WDFY4: variants seen among roughly 807,000 people sequenced by gnomAD.
WDFY4 encodes WD repeat- and FYVE domain-containing protein 4.
A neutral mutation model predicts 351.9 loss-of-function variants in WDFY4; 169 were observed. The ratio of observed to expected loss-of-function variants is 0.48; its 90% CI spans 0.42 to 0.55. The LOEUF is 0.55. WDFY4 is among the 20% of genes least tolerant of loss of function. The pLI is 0.00. For missense variants in WDFY4, 3,803 were observed against 3,935.6 expected (o/e 0.97, Z 0.90); for synonymous variants, 1,622 against 1,574.6 (o/e 1.03, Z -0.71).
At chr10:48,826,573 CT>C (rs1396611428) in intron 35 of WDFY4, 97 bp from the exon 36 acceptor site, 1 of 940,320 alleles carries the variant, frequency 1.1e-6, no homozygotes, top group Non-Finnish European at 1.6e-6. Flanking sequence ...AGCCATGTCA[CT>C]TTTTGATTAT....
intron 47 of WDFY4, among the ~76,000 whole-genome samples, chr10:48,906,799 C>A (rs1389802872): frequency 1.3e-5 from 2 of 152,182 alleles, no homozygotes; most frequent in African/African-American, 4.8e-5. Context: ...ATTACCCAAC[C>A]CCTTTAAAGG....
rs1414994025 is a variant in WDFY4 at position 48,723,609 on chromosome 10, C to T, written c.591+42C>T. ...CCTCCAATTCCCTGGGTCAAAACCT[C>T]ACTTCGGGGACAGACTCTCCAATGC... On this transcript the variant is annotated intron_variant, in intron 5 of 61. Transcript: ENST00000325239. 3 of 1,549,902 alleles carry T rather than the reference C, an allele frequency of 1.9e-6. No homozygotes were observed. In the East Asian group the frequency reaches 7.3e-5, roughly 38 times the overall value.
At chr10:48,946,198 T>A in intron 50 of WDFY4, 41 bp downstream of exon 50, 1 of 1,421,586 alleles carries the variant, frequency 7.0e-7, no homozygotes, top group Non-Finnish European at 9.6e-7. Context: ...GTGTTATTCA[T>A]CGGGATGCCC....
chr10:48,791,547 A>G (rs2066680484), intron 23 of WDFY4, among the ~76,000 whole-genome samples: 1 of 152,192 alleles, frequency 6.6e-6, no homozygotes, highest in African/African-American at 2.4e-5. Context: ...GAGAGCTTAG[A>G]GGAGCACCTG....
rs779731620 is a variant in WDFY4, at chr10:48,720,653, GAC to G, written c.349+538_349+539del. 1.4e-3 allele frequency among the ~76,000 whole-genome samples: 218 copies of G among 151,970 alleles called. 1 individual carries two copies. Among genetic ancestry groups the G allele is most frequent in the Middle Eastern group, 3.4e-3 (1 of 294 alleles). ...ACACACACAGACACACTGCAACACA[GAC>G]ACACACACAGAACACACGGGACCAC... is the stretch of plus-strand genomic sequence containing the variant. On this transcript the variant is annotated intron_variant, in intron 3 of 61. Transcript: ENST00000325239.
At chr10:48,749,403 C>G (rs928924489) in intron 12 of WDFY4, among the ~76,000 whole-genome samples, 1 of 151,856 alleles carries the variant, frequency 6.6e-6, no homozygotes, top group African/African-American at 2.4e-5. Context: ...ACTGGCATAC[C>G]ACACACCCAC....
At chr10:48,905,296 C>T (rs554195281) in intron 47 of WDFY4, among the ~76,000 whole-genome samples, 2 of 152,174 alleles carry the variant, frequency 1.3e-5, no homozygotes, top group African/African-American at 4.8e-5. Context: ...GGAGCTTACC[C>T]CCAGCTGTGC....
At chr10:48,709,991 G>A (rs1214818876) in intron 2 of WDFY4, 25 bp downstream of exon 2, 5 of 1,533,490 alleles carry the variant, frequency 3.3e-6, no homozygotes, top group East Asian at 2.5e-5. Flanking sequence ...TTTTGAAACT[G>A]TAAGGTGATA....
intron 39 of WDFY4, among the ~76,000 whole-genome samples, chr10:48,858,064 G>A (rs2069201433): frequency 1.3e-5 from 2 of 152,174 alleles, no homozygotes; most frequent in South Asian, 2.1e-4. Context: ...AAAGTGCTGA[G>A]ATTACAGATG....
chr10:48,826,987 G>T, intron 36 of WDFY4, 78 bp downstream of exon 36: 1 of 1,188,316 alleles, frequency 8.4e-7, no homozygotes, highest in Non-Finnish European at 1.2e-6. Context: ...GCTTGATTGA[G>T]GACTGAGTTC....
intron 34 of WDFY4, among the ~76,000 whole-genome samples, chr10:48,822,170 G>T (rs1429682454): frequency 6.6e-6 from 1 of 152,154 alleles, no homozygotes; most frequent in Non-Finnish European, 1.5e-5. Flanking sequence ...TCACCACTTG[G>T]TTTATGTCGC....
In WDFY4 at chr10:48,786,732, T is replaced by C; in HGVS notation, c.3670T>C (p.Trp1224Arg). 1 of 1,552,394 alleles carries C rather than the reference T, an allele frequency of 6.4e-7. No homozygotes were observed. The highest frequency in any genetic ancestry group is 8.7e-7 in the Non-Finnish European group (1 of 1,147,142). ...TGGATATATTGCTACTCCTCGAGTC[T>C]GGAAACAAAAGTCTTCATTAATCTG... Reference protein sequence around the residue: ...VYGYIATPRVWKQKSSLIWRL... With the variant: ...VYGYIATPRVRKQKSSLIWRL... Residue 1224 changes from tryptophan (W) to arginine (R), a missense_variant, in exon 20 of 62, where the codon TGG becomes CGG. By Grantham distance (101) the Trp-to-Arg change is moderately radical. Transcript: ENST00000325239.
rs12268007 is a variant in WDFY4, at chr10:48,817,401, G to T, written c.5497G>T (p.Ala1833Ser). ...TLAIAAFPLG[A>S]QKGVGAESTR... Reference sequence around the variant, plus strand: ...GGCCATAGCCGCCTTCCCCCTGGGAGCCCAAAAGGTAGGACATGCTGCTGT... The same window carrying T: ...GGCCATAGCCGCCTTCCCCCTGGGATCCCAAAAGGTAGGACATGCTGCTGT... Residue 1833 changes from alanine (A) to serine (S), a missense_variant, in exon 32 of 62, where the codon GCC becomes TCC. Coordinates refer to ENST00000325239, the MANE Select transcript of WDFY4 (RefSeq NM_001394531.1). 198,120 of 1,549,766 alleles carry T rather than the reference G, an allele frequency of 0.13. 14,145 individuals carry two copies. The highest frequency in any genetic ancestry group is 0.29 in the African/African-American group (21,325 of 73,098).
chr10:48,883,647 A>G (rs537983077), intron 43 of WDFY4, among the ~76,000 whole-genome samples: 98 of 152,236 alleles, frequency 6.4e-4, no homozygotes, highest in African/African-American at 2.0e-3. Flanking sequence ...GAAATGCTTG[A>G]TCATATGGCC....
At chr10:48,787,948 CT>C (rs1160236538) in intron 20 of WDFY4, among the ~76,000 whole-genome samples, 20 of 107,868 alleles carry the variant, frequency 1.9e-4, no homozygotes, top group South Asian at 1.4e-3. Flanking sequence ...TCTTCTTCTT[CT>C]TCTTCTTCTT....
At chr10:48,784,878 G>T (rs1398557426) in intron 19 of WDFY4, among the ~76,000 whole-genome samples, 1 of 125,692 alleles carries the variant, frequency 8.0e-6, no homozygotes, top group Non-Finnish European at 1.6e-5. Flanking sequence ...TTTTGAGACG[G>T]AGTAGTCTCG....
intron 39 of WDFY4, among the ~76,000 whole-genome samples, chr10:48,839,354 C>T (rs1396077167): frequency 1.3e-5 from 2 of 152,174 alleles, no homozygotes; most frequent in Non-Finnish European, 2.9e-5. Flanking sequence ...AGAAGGTCAT[C>T]GTGTGAAACA....
chr10:48,980,340 A>G (rs767427470), intron 60 of WDFY4, among the ~76,000 whole-genome samples: 4 of 152,196 alleles, frequency 2.6e-5, no homozygotes, highest in Non-Finnish European at 4.4e-5. Context: ...TGTATTGGGC[A>G]TGGCACGTGG....
At position 48,900,236 on chromosome 10, in the gene WDFY4, A is replaced by G; in HGVS notation, c.7453A>G (p.Ile2485Val). ...RFLLQDIALE[I>V]FFHNGYSKFL... is the part of the protein sequence containing the mutation. ...CTCTTCACAGGACATCGCCCTGGAG[A>G]TCTTCTTCCACAATGGATATTCCAA... Residue 2485 changes from isoleucine (I) to valine (V), a missense_variant, in exon 46 of 62, where the codon ATC becomes GTC. Transcript: ENST00000325239. 3 of 1,551,648 alleles carry G rather than the reference A, an allele frequency of 1.9e-6. No individual in the cohort carries two copies. Among genetic ancestry groups the G allele is most frequent in the Non-Finnish European group, 2.6e-6 (3 of 1,146,944 alleles).
Sources: gnomAD v4.1 joint callset for allele counts (sites outside exome capture counted in the v4.1 genomes callset) on GRCh38, gnomAD v4.1.1 for gene constraint, MANE v1.5 for transcripts, NCBI Gene and HGNC (gene_info 2026-07-23, HGNC 2026-07-21) for gene names.